THSD7B: variants seen among roughly 807,000 people sequenced by gnomAD.
THSD7B encodes thrombospondin type-1 domain-containing protein 7B.
In THSD7B, 138 loss-of-function variants were observed where a neutral mutation model predicts 213.6. The observed-to-expected ratio is 0.65, with a 90% CI of 0.56 to 0.74. The LOEUF is 0.74. THSD7B is among the 30% of genes least tolerant of loss of function. THSD7B has a pLI of 0.00. For missense variants in THSD7B, 1,931 were observed against 1,991.5 expected (o/e 0.97, Z 0.58); for synonymous variants, 742 against 687.0 (o/e 1.08, Z -1.25).
At chr2:137,639,783 G>A (rs1023262970) in intron 20 of THSD7B, among the ~76,000 whole-genome samples, 4 of 152,112 alleles carry the variant, frequency 2.6e-5, no homozygotes, top group Non-Finnish European at 5.9e-5. Context: ...ACTGGATTTC[G>A]GACTTGCCTG....
intron 2 of THSD7B, among the ~76,000 whole-genome samples, chr2:136,987,099 T>A (rs1353660181): frequency 2.0e-5 from 3 of 152,324 alleles, no homozygotes; most frequent in East Asian, 3.9e-4. Flanking sequence ...GTACCTCCAT[T>A]TCACAGAAGA....
chr2:137,549,457 G>A lies in THSD7B; in HGVS notation c.3139-13764G>A, dbSNP rs979126637. 2.0e-5 allele frequency among the ~76,000 whole-genome samples: 3 copies of A among 151,436 alleles called. No homozygotes were observed. In the Admixed American group the frequency reaches 2.0e-4, roughly 10 times the overall value. On this transcript the variant is annotated intron_variant, in intron 15 of 27. Coordinates refer to ENST00000409968, the MANE Select transcript of THSD7B (RefSeq NM_001316349.2). ...ACTAGACTCTAAACAGTATCTCCTA[G>A]ATGGTAAAAGCAGTGATAGGTTTCC... is the stretch of plus-strand genomic sequence containing the variant.
chr2:136,895,118 G>A (rs146792164), intron 2 of THSD7B, among the ~76,000 whole-genome samples: 1 of 152,186 alleles, frequency 6.6e-6, no homozygotes, highest in Non-Finnish European at 1.5e-5. Context: ...GGGAATAAGT[G>A]GCATCTTTAT....
At chr2:136,777,693 C>A (rs983099433) in intron 1 of THSD7B, among the ~76,000 whole-genome samples, 1 of 151,954 alleles carries the variant, frequency 6.6e-6, no homozygotes, top group Non-Finnish European at 1.5e-5. Flanking sequence ...TTGGACTAAA[C>A]ATAAAATGAA....
At chr2:137,220,728 T>C (rs1186649759) in intron 7 of THSD7B, among the ~76,000 whole-genome samples, 2 of 152,198 alleles carry the variant, frequency 1.3e-5, no homozygotes. Flanking sequence ...GTAGTAATCT[T>C]GCATAGCAGC....
At chr2:137,629,607 A>AACAAAG (rs1682702089) in intron 20 of THSD7B, among the ~76,000 whole-genome samples, 2 of 152,314 alleles carry the variant, frequency 1.3e-5, no homozygotes, top group South Asian at 4.1e-4. Flanking sequence ...TAGAATAATA[A>AACAAAG]ACAAAGACAA....
intron 12 of THSD7B, among the ~76,000 whole-genome samples, chr2:137,331,035 T>C (rs1467373592): frequency 2.0e-5 from 3 of 152,098 alleles, no homozygotes; most frequent in Non-Finnish European, 1.5e-5. Context: ...AGAGTGTCCA[T>C]TGGTGCATTC....
intron 1 of THSD7B, among the ~76,000 whole-genome samples, chr2:136,776,343 G>C (rs1399560122): frequency 6.6e-6 from 1 of 152,028 alleles, no homozygotes; most frequent in African/African-American, 2.4e-5. Context: ...GAAGTCTGGG[G>C]TTAAGGAACC....
chr2:136,840,159 A>T (rs1370429579), intron 1 of THSD7B, among the ~76,000 whole-genome samples: 4 of 152,116 alleles, frequency 2.6e-5, no homozygotes, highest in African/African-American at 9.7e-5. Context: ...CGGGCAGATC[A>T]CCTGAGGTTA....
At chr2:137,572,376 A>G (rs1209584526) in intron 16 of THSD7B, 30 bp from the exon 17 acceptor site, 2 of 1,612,472 alleles carry the variant, frequency 1.2e-6, no homozygotes, top group Non-Finnish European at 1.7e-6. Flanking sequence ...GTTTTAAATA[A>G]TCAAACTATC....
At chr2:136,957,653 TA>T (rs1191685608) in intron 2 of THSD7B, among the ~76,000 whole-genome samples, 1 of 152,158 alleles carries the variant, frequency 6.6e-6, no homozygotes, top group Non-Finnish European at 1.5e-5. Flanking sequence ...ACAATCTGAT[TA>T]TGTACATTTT....
intron 12 of THSD7B, among the ~76,000 whole-genome samples, chr2:137,302,032 G>A (rs1256324924): frequency 6.6e-6 from 1 of 152,056 alleles, no homozygotes. Flanking sequence ...GATGTGACTT[G>A]GACCAGAGTG....
At chr2:137,656,992 C>A (rs775559279) in intron 23 of THSD7B, 23 bp downstream of exon 23, 1 of 1,613,372 alleles carries the variant, frequency 6.2e-7, no homozygotes, top group African/African-American at 1.3e-5. Flanking sequence ...CTTTTCAGTT[C>A]TTTAGCCTTC....
At position 137,563,361 on chromosome 2, in the gene THSD7B, G is replaced by A. The variant is rs1197044652; in HGVS notation, c.3272+7G>A. ...CACAATCTAGGAAAATCAGGTGTGT[G>A]AAAATGGAGAGATTTGGGAAATAGG... On this transcript the variant is annotated splice_region_variant and intron_variant, in intron 16 of 27. Transcript: ENST00000409968. The A allele has an allele frequency of 6.2e-7, 1 of 1,611,914 alleles. No individual in the cohort carries two copies. Among genetic ancestry groups the A allele is most frequent in the African/African-American group, 1.3e-5 (1 of 74,806 alleles).
At chr2:137,433,909 A>C (rs1687238460) in intron 14 of THSD7B, among the ~76,000 whole-genome samples, 1 of 152,182 alleles carries the variant, frequency 6.6e-6, no homozygotes, top group Non-Finnish European at 1.5e-5. Flanking sequence ...ATAATGCAGA[A>C]CTGCACTTTT....
intron 15 of THSD7B, among the ~76,000 whole-genome samples, chr2:137,499,712 G>T (rs960834825): frequency 6.6e-6 from 1 of 152,172 alleles, no homozygotes; most frequent in African/African-American, 2.4e-5. Context: ...TTGGCTTCGT[G>T]AACAGAGCTA....
intron 12 of THSD7B, among the ~76,000 whole-genome samples, chr2:137,330,193 G>C (rs1428391504): frequency 6.6e-6 from 1 of 152,158 alleles, no homozygotes; most frequent in Non-Finnish European, 1.5e-5. Context: ...CAGGGGTAGA[G>C]GCCTCGTAAA....
chr2:136,988,628 G>GT (rs1301407826), intron 2 of THSD7B, among the ~76,000 whole-genome samples: 1 of 152,082 alleles, frequency 6.6e-6, no homozygotes, highest in East Asian at 1.9e-4. Context: ...GAAAATTTAT[G>GT]TTTTCCAAAG....
chr2:137,279,157 A>C (rs1369213455), intron 12 of THSD7B, among the ~76,000 whole-genome samples: 2 of 152,154 alleles, frequency 1.3e-5, no homozygotes, highest in African/African-American at 4.8e-5. Flanking sequence ...ATTGACTCAA[A>C]GTGAGGAGTC....
Sources: allele counts gnomAD v4.1 joint callset (sites outside exome capture counted in the v4.1 genomes callset), GRCh38; gene constraint gnomAD v4.1.1; transcripts MANE v1.5; gene names NCBI Gene and HGNC (gene_info 2026-07-23, HGNC 2026-07-21).